The following KIF15 variants were observed in gnomAD, a reference collection of about 807,000 sequenced individuals.
KIF15 encodes kinesin-like protein KIF15.
KIF15 carries 140 observed loss-of-function variants against 190.6 expected under a neutral mutation model. The ratio of observed to expected loss-of-function variants is 0.73; its 90% CI spans 0.64 to 0.84. The LOEUF (loss-of-function observed/expected upper bound fraction) is 0.84, where lower values mean the gene tolerates loss of function less well. Ranked by LOEUF, KIF15 falls within the 40% of genes least tolerant of loss-of-function variation. The probability of loss-of-function intolerance (pLI) is 0.00; values close to 1 mark genes in which losing one functional copy is unlikely to be tolerated. For missense variants in KIF15, 1,372 were observed against 1,584.4 expected (o/e 0.87, Z 2.28); for synonymous variants, 528 against 551.3 (o/e 0.96, Z 0.59).
chr3:44,822,217 C>T (rs1219933751), intron 20 of KIF15, among the ~76,000 whole-genome samples: 1 of 152,186 alleles, frequency 6.6e-6, no homozygotes, highest in Non-Finnish European at 1.5e-5. Flanking sequence ...CAAAATCTCT[C>T]AGCATTTGCT....
rs1249264847 is a variant in KIF15 at position 44,784,946 on chromosome 3, A to G, written c.459+4A>G. The G allele has an allele frequency of 6.9e-7, 1 of 1,446,754 alleles. No homozygotes were observed. Among genetic ancestry groups the G allele is most frequent in the Non-Finnish European group, 9.6e-7 (1 of 1,045,714 alleles). 89.6% of individuals were successfully genotyped at this position (1,446,754 alleles called of 1,614,324 possible). A position where few individuals can be genotyped will look rare whatever the true frequency, so the allele number is the denominator to read the frequency against. On this transcript the variant is annotated splice_donor_region_variant and intron_variant, in intron 6 of 34. Transcript: ENST00000326047. Reference sequence around the variant, plus strand: ...AATTGATCGTGAAAAAGAAAAGGTAAAACAATGTAAAAATAAAGTGGTTCT... The same window carrying G: ...AATTGATCGTGAAAAAGAAAAGGTAGAACAATGTAAAAATAAAGTGGTTCT...
intron 16 of KIF15, among the ~76,000 whole-genome samples, chr3:44,806,670 G>A (rs576412159): frequency 1.3e-5 from 2 of 152,186 alleles, no homozygotes; most frequent in South Asian, 2.1e-4. Flanking sequence ...CTGTAGTCCC[G>A]GCTGTTTGGG....
chr3:44,801,998 T>C (rs1024362471), intron 13 of KIF15, 24 bp downstream of exon 13: 1 of 1,496,634 alleles, frequency 6.7e-7, no homozygotes, highest in Non-Finnish European at 9.1e-7. Context: ...ATCTATAATA[T>C]TTCTAAAAAT....
intron 1 of KIF15, among the ~76,000 whole-genome samples, chr3:44,770,938 T>G (rs1478285828): frequency 6.6e-6 from 1 of 152,252 alleles, no homozygotes; most frequent in East Asian, 1.9e-4. Context: ...ATTCATTAAG[T>G]CCATCCAGTT....
chr3:44,823,626 C>A (rs190217817), intron 20 of KIF15, among the ~76,000 whole-genome samples: 130 of 152,334 alleles, frequency 8.5e-4, no homozygotes, highest in African/African-American at 3.0e-3. Flanking sequence ...CAGGTGGAAT[C>A]TATAGAGGCA....
intron 11 of KIF15, 34 bp from the exon 12 acceptor site, chr3:44,801,416 T>C (rs1378623328): frequency 2.6e-5 from 34 of 1,294,390 alleles, no homozygotes; most frequent in Non-Finnish European, 3.7e-5. Flanking sequence ...AAATATTTTT[T>C]TTCATCTTCC....
At chr3:44,799,618 CG>C (rs1244564944) in intron 10 of KIF15, among the ~76,000 whole-genome samples, 1 of 149,144 alleles carries the variant, frequency 6.7e-6, no homozygotes, top group African/African-American at 2.5e-5. Context: ...AGTGCAGTGG[CG>C]CACATGTGTG....
intron 6 of KIF15, chr3:44,862,513 C>T (rs1282620788): frequency 1.3e-5 from 2 of 152,650 alleles, no homozygotes; most frequent in African/African-American, 4.8e-5. Context: ...CATTTCTCTC[C>T]ACGTGACTCT....
At position 44,852,230 on chromosome 3, in the gene KIF15, A is replaced by T; in HGVS notation, c.3995A>T (p.Gln1332Leu). Residue 1332 changes from glutamine to leucine, a missense_variant, in exon 34 of 35, where the codon CAG (glutamine) becomes CTG (leucine). Gln to Leu is a moderately radical substitution (Grantham distance 113). Coordinates refer to ENST00000326047, the MANE Select transcript of KIF15 (RefSeq NM_020242.3). ...CAGGAGATGGAAATGTTAAGGAAGC[A>T]GGTGGAGTGTCTTGCTGAGGAAAAT... is the stretch of plus-strand genomic sequence containing the variant. ...TSQEMEMLRKQVECLAEENGK... is the reference protein window; with the variant it reads ...TSQEMEMLRKLVECLAEENGK... 2 of 1,612,926 alleles carry T rather than the reference A, an allele frequency of 1.2e-6. No individual in the cohort carries two copies. Among genetic ancestry groups the T allele is most frequent in the Non-Finnish European group, 1.7e-6 (2 of 1,179,354 alleles).
chr3:44,838,431 A>T lies in KIF15; in HGVS notation c.3318+10A>T. On this transcript the variant is annotated intron_variant, in intron 27 of 34. Coordinates refer to ENST00000326047, the MANE Select transcript of KIF15 (RefSeq NM_020242.3). The stretch of plus-strand genomic sequence containing the variant: ...GGAACTTCAGCACAAGGTGAGAAAC[A>T]CACAGGTGTCACTCAAGATGGGAGA... 6.2e-7 allele frequency: 1 copy of T among 1,609,596 alleles called. No homozygotes were observed. Among genetic ancestry groups the T allele is most frequent in the Non-Finnish European group, 8.5e-7 (1 of 1,178,054 alleles).
At position 44,801,927 on chromosome 3, in the gene KIF15, C is replaced by T. The variant is rs369789303; in HGVS notation, c.1462C>T (p.Arg488Cys). The T allele has an allele frequency of 5.0e-6, 8 of 1,613,538 alleles. No homozygotes were observed. The African/African-American group carries it at 8.0e-5, about 16-fold the overall frequency. ...AGGTTTTCTGCCTGAGGAGCAGGATCGTTTGCTCTCAGAATTAAGGAATGA... is the reference window on the plus strand; with the variant it reads ...AGGTTTTCTGCCTGAGGAGCAGGATTGTTTGCTCTCAGAATTAAGGAATGA... ...RGGFLPEEQD[R>C]LLSELRNEIQ... is the part of the protein sequence containing the mutation. Residue 488 changes from arginine to cysteine, a missense_variant, in exon 13 of 35, where the codon CGT (arginine) becomes TGT (cysteine). Coordinates refer to ENST00000326047, the MANE Select transcript of KIF15 (RefSeq NM_020242.3).
At chr3:44,865,021 A>G (rs769307734) in intron 6 of KIF15, 4 of 1,613,768 alleles carry the variant, frequency 2.5e-6, no homozygotes, top group African/African-American at 1.3e-5. Flanking sequence ...AGTCCCTCAC[A>G]GCTATCTTTG....
downstream of KIF15, among the ~76,000 whole-genome samples, chr3:44,854,029 G>A (rs1022496129): frequency 1.3e-5 from 2 of 152,178 alleles, no homozygotes; most frequent in Non-Finnish European, 2.9e-5. Context: ...ACTTTTTGAG[G>A]TGGTGGAAAT....
In KIF15 at chr3:44,786,467, C is replaced by T. The variant is rs146335110; in HGVS notation, c.532C>T (p.Leu178=). Residue 178 remains leucine, a synonymous_variant, in exon 7 of 35, where the codon CTG becomes TTG. Transcript: ENST00000326047. ...EIYNEQIYDL[L]DSASAGLYLR... ...CTACAACGAGCAGATATATGATCTA[C>T]TGGACTCTGCATCGGCTGGACTGTA... 14 of 1,613,726 alleles carry T rather than the reference C, an allele frequency of 8.7e-6. No individual in the cohort carries two copies. The highest frequency in any genetic ancestry group is 1.2e-5 in the Non-Finnish European group (14 of 1,179,846).
intron 6 of KIF15, among the ~76,000 whole-genome samples, chr3:44,858,367 G>A (rs1699208805): frequency 6.6e-6 from 1 of 152,212 alleles, no homozygotes; most frequent in Non-Finnish European, 1.5e-5. Flanking sequence ...CCATGCTGTA[G>A]CAGGCGAGTG....
chr3:44,799,063 A>G (rs1707131029), intron 10 of KIF15: 3 of 343,478 alleles, frequency 8.7e-6, no homozygotes, highest in Non-Finnish European at 1.7e-5. Flanking sequence ...TGAGGAGGAA[A>G]AATCATTAGA....
At position 44,814,929 on chromosome 3, in the gene KIF15, A is replaced by C. The variant is rs762315555; in HGVS notation, c.2402A>C (p.His801Pro). 6.2e-7 allele frequency: 1 copy of C among 1,603,196 alleles called. No individual in the cohort carries two copies. The highest frequency in any genetic ancestry group is 1.8e-5 in the Admixed American group (1 of 56,676). The change falls in exon 20 of 35, where the codon CAT becomes CCT. Residue 801 changes from histidine (H) to proline (P), a missense_variant. Coordinates refer to ENST00000326047, the MANE Select transcript of KIF15 (RefSeq NM_020242.3). ...TTTTTAGTTTTGAAAAGTGAGGTAC[A>C]TGACCTGCGAGTAGTCCTTCATTCT... ...TKNDFLKSEV[H>P]DLRVVLHSAD... is the part of the protein sequence containing the mutation.
At chr3:44,855,869 AATTG>A (rs370604007), downstream of KIF15, among the ~76,000 whole-genome samples, 33 of 152,274 alleles carry the variant, frequency 2.2e-4, no homozygotes, top group East Asian at 6.2e-3. Context: ...GATTTAGTGT[AATTG>A]ATTGGTTGGT....
chr3:44,806,064 C>G, intron 16 of KIF15, 78 bp downstream of exon 16: 6 of 1,477,426 alleles, frequency 4.1e-6, no homozygotes, highest in Non-Finnish European at 5.5e-6. Context: ...TCTGCATGGT[C>G]TATCTCCAGA....
Sources: gnomAD v4.1 joint callset for allele counts (sites outside exome capture counted in the v4.1 genomes callset) on GRCh38, gnomAD v4.1.1 for gene constraint, MANE v1.5 for transcripts, NCBI Gene and HGNC (gene_info 2026-07-23, HGNC 2026-07-21) for gene names.